ABLIM1: variants seen among roughly 807,000 people sequenced by gnomAD.
ABLIM1 encodes the protein actin-binding LIM protein 1.
Under a neutral mutation model 107.0 loss-of-function variants are expected in ABLIM1, and 40 were observed. The observed-to-expected ratio is 0.37, with a 90% CI of 0.29 to 0.49. The LOEUF (loss-of-function observed/expected upper bound fraction) is 0.49. Among genes scored for constraint, ABLIM1 ranks in the 20% least tolerant of loss-of-function variants. The probability of loss-of-function intolerance (pLI) is 0.97; values close to 1 mark genes in which losing one functional copy is unlikely to be tolerated. For synonymous variants in ABLIM1, 357 were observed against 357.3 expected (o/e 1.00, Z 0.01); for missense variants, 857 against 1,008.5 (o/e 0.85, Z 2.04).
intron 16 of ABLIM1, 32 bp from the exon 17 acceptor site, chr10:114,444,166 AAAG>A (rs1205300726): frequency 2.0e-6 from 3 of 1,503,120 alleles, no homozygotes; most frequent in Admixed American, 2.2e-5. Context: ...AAAAAAAAAA[AAAG>A]AAAGCAAAGC....
intron 1 of ABLIM1, among the ~76,000 whole-genome samples, chr10:114,624,324 G>A (rs1281295265): frequency 6.6e-6 from 1 of 152,238 alleles, no homozygotes; most frequent in Middle Eastern, 3.4e-3. Flanking sequence ...TGAATGCGAT[G>A]GCAAAGAGGG....
At chr10:114,681,627 C>T (rs1184387007) in intron 1 of ABLIM1, among the ~76,000 whole-genome samples, 1 of 152,222 alleles carries the variant, frequency 6.6e-6, no homozygotes, top group Non-Finnish European at 1.5e-5. Flanking sequence ...CTTCAATTCA[C>T]ATGACAGCAG....
intron 3 of ABLIM1, among the ~76,000 whole-genome samples, chr10:114,572,230 A>C (rs2071789232): frequency 6.6e-6 from 1 of 152,200 alleles, no homozygotes; most frequent in African/African-American, 2.4e-5. Context: ...TGATTTTTCA[A>C]ATGTGTGATG....
chr10:114,747,761 T>G (rs2082414542), intron 1 of ABLIM1, among the ~76,000 whole-genome samples: 1 of 152,234 alleles, frequency 6.6e-6, no homozygotes, highest in East Asian at 1.9e-4. Context: ...CATTGAAGCC[T>G]GGGCACGATG....
intron 1 of ABLIM1, among the ~76,000 whole-genome samples, chr10:114,731,918 T>A (rs1383460050): frequency 2.6e-5 from 4 of 152,172 alleles, no homozygotes; most frequent in African/African-American, 9.6e-5. Context: ...TGCATAATGT[T>A]TTCAGTCCTC....
upstream of ABLIM1, among the ~76,000 whole-genome samples, chr10:114,769,402 G>A (rs1159174594): frequency 1.2e-5 from 1 of 83,846 alleles, no homozygotes; most frequent in Non-Finnish European, 2.3e-5. Context: ...AGAAAGAAAA[G>A]AAAGAAAGAA....
At chr10:114,685,297 T>A (rs2080904124), upstream of ABLIM1, among the ~76,000 whole-genome samples, 1 of 152,206 alleles carries the variant, frequency 6.6e-6, no homozygotes, top group South Asian at 2.1e-4. Flanking sequence ...AGGAGGAAAC[T>A]GGCATAATTG....
At chr10:114,788,414 A>C in the ABLIM1 span, among the ~76,000 whole-genome samples, 1 of 119,090 alleles carries the variant, frequency 8.4e-6, no homozygotes, top group Non-Finnish European at 1.9e-5. Flanking sequence ...AGTCAACTCC[A>C]AAAAAAAAAA....
intron 4 of ABLIM1, among the ~76,000 whole-genome samples, chr10:114,555,537 A>T (rs1023402767): frequency 6.6e-6 from 1 of 152,220 alleles, no homozygotes; most frequent in African/African-American, 2.4e-5. Flanking sequence ...GCAAAAACAG[A>T]CACTACAGAA....
At chr10:114,575,732 G>C in intron 2 of ABLIM1, 133 bp from the exon 3 acceptor site, 1 of 923,462 alleles carries the variant, frequency 1.1e-6, no homozygotes, top group Non-Finnish European at 1.6e-6. Context: ...TGGCTACAAA[G>C]AGCTATTTAT....
intron 6 of ABLIM1, among the ~76,000 whole-genome samples, chr10:114,533,597 A>G (rs566750867): frequency 6.6e-6 from 1 of 152,186 alleles, no homozygotes; most frequent in Non-Finnish European, 1.5e-5. Context: ...TCTTGAACTC[A>G]GGACATTTAC....
intron 1 of ABLIM1, among the ~76,000 whole-genome samples, chr10:114,742,021 T>G (rs1473725551): frequency 1.3e-5 from 2 of 152,210 alleles, no homozygotes; most frequent in Non-Finnish European, 2.9e-5. Flanking sequence ...ATAATTACCT[T>G]TTTGTCAATT....
intron 1 of ABLIM1, among the ~76,000 whole-genome samples, chr10:114,624,076 A>G (rs1435862228): frequency 6.6e-6 from 1 of 152,224 alleles, no homozygotes; most frequent in Non-Finnish European, 1.5e-5. Flanking sequence ...ACCTCTCGGT[A>G]TGAGTCACCA....
chr10:114,526,823 T>C (rs1211774684), intron 6 of ABLIM1: 2 of 985,320 alleles, frequency 2.0e-6, no homozygotes, highest in East Asian at 1.1e-4. Flanking sequence ...ATCAGGCTTC[T>C]CTCCGAAGCT....
intron 2 of ABLIM1, among the ~76,000 whole-genome samples, chr10:114,583,735 C>T (rs1468255582): frequency 6.6e-6 from 1 of 151,714 alleles, no homozygotes; most frequent in African/African-American, 2.4e-5. Flanking sequence ...CTGTCAATGG[C>T]AGATTGAATA....
chr10:114,792,252 G>GA, the ABLIM1 span, among the ~76,000 whole-genome samples: 1 of 152,152 alleles, frequency 6.6e-6, no homozygotes. Context: ...GCCTGGGAGG[G>GA]AGAGGTTGCA....
At chr10:114,798,029 A>T in the ABLIM1 span, among the ~76,000 whole-genome samples, 1 of 152,234 alleles carries the variant, frequency 6.6e-6, no homozygotes, top group Admixed American at 6.5e-5. Context: ...ACTATTAACT[A>T]TGTCCACAAA....
chr10:114,495,904 C>G (rs1399690095), intron 6 of ABLIM1, among the ~76,000 whole-genome samples: 1 of 152,180 alleles, frequency 6.6e-6, no homozygotes, highest in African/African-American at 2.4e-5. Context: ...AGTACCACCA[C>G]TAATAACCAT....
chr10:114,554,857 C>T lies in ABLIM1; in HGVS notation c.674-7081G>A, dbSNP rs907194435. Among the ~76,000 whole-genome samples the T allele has an allele frequency of 2.0e-5, 3 of 152,268 alleles. No homozygotes were observed. In the East Asian group the frequency reaches 5.8e-4, roughly 29 times the overall value. ...CTCACAGCAGTTAAGGATTTTGGAG[C>T]TGAAGAGCACTGGAGTCAAATTCCA... On this transcript the variant is annotated intron_variant, in intron 4 of 22. Coordinates refer to ENST00000533213, the MANE Select transcript of ABLIM1 (RefSeq NM_002313.7).
Sources: allele counts gnomAD v4.1 joint callset (sites outside exome capture counted in the v4.1 genomes callset), GRCh38; gene constraint gnomAD v4.1.1; transcripts MANE v1.5; gene names NCBI Gene and HGNC (gene_info 2026-07-23, HGNC 2026-07-21).